EPHA6: variants seen among roughly 807,000 people sequenced by gnomAD.
The protein encoded by EPHA6 is EPH receptor A6, also known as ephrin type-A receptor 6.
Under a neutral mutation model 112.0 loss-of-function variants are expected in EPHA6, and 50 were observed. The ratio of observed to expected loss-of-function variants is 0.45; its 90% confidence interval spans 0.36 to 0.56. The LOEUF is 0.56. EPHA6 is among the 20% of genes least tolerant of loss of function. The pLI, the probability that EPHA6 is intolerant of heterozygous loss-of-function variation, is 0.00. For missense variants in EPHA6, 1,280 were observed against 1,417.4 expected (o/e 0.90, Z 1.56); for synonymous variants, 529 against 490.7 (o/e 1.08, Z -1.03).
intron 3 of EPHA6, among the ~76,000 whole-genome samples, chr3:97,034,217 GT>G (rs2044994218): frequency 6.6e-6 from 1 of 151,860 alleles, no homozygotes; most frequent in Non-Finnish European, 1.5e-5. Flanking sequence ...TGAAAATATA[GT>G]AATTTTTGGA....
At chr3:97,691,798 G>A (rs1013555270) in intron 14 of EPHA6, among the ~76,000 whole-genome samples, 1 of 152,200 alleles carries the variant, frequency 6.6e-6, no homozygotes, top group Non-Finnish European at 1.5e-5. Flanking sequence ...GTTTGGAAGA[G>A]CATAAACCAC....
chr3:97,310,390 A>G (rs2108750506), intron 5 of EPHA6, among the ~76,000 whole-genome samples: 1 of 151,542 alleles, frequency 6.6e-6, no homozygotes, highest in African/African-American at 2.4e-5. Flanking sequence ...TGGGAAAGAG[A>G]CTGAGATGAA....
chr3:97,147,758 G>A (rs1350960693), intron 3 of EPHA6, among the ~76,000 whole-genome samples: 1 of 152,062 alleles, frequency 6.6e-6, no homozygotes, highest in Non-Finnish European at 1.5e-5. Context: ...CCCTAAGACT[G>A]TCAAGGTCAT....
rs111388181 is a variant in EPHA6 at position 97,677,854 on chromosome 3, G to A, written c.2784+39772G>A. Among the ~76,000 whole-genome samples, 590 of 151,948 alleles carry A rather than the reference G, an allele frequency of 3.9e-3. 3 individuals carry two copies. The highest frequency in any genetic ancestry group is 0.013 in the African/African-American group (551 of 41,430). ...CCATGGAAGTGAATGACTAATATAAGGCAGAAAAGAAGAGGAGTTAAAAGA... is the reference window on the plus strand; with the variant it reads ...CCATGGAAGTGAATGACTAATATAAAGCAGAAAAGAAGAGGAGTTAAAAGA... On this transcript the variant is annotated intron_variant, in intron 14 of 17. Coordinates refer to ENST00000389672, the MANE Select transcript of EPHA6 (RefSeq NM_001080448.3).
intron 11 of EPHA6, among the ~76,000 whole-genome samples, chr3:97,547,381 A>C (rs994944254): frequency 1.3e-5 from 2 of 152,148 alleles, no homozygotes; most frequent in African/African-American, 4.8e-5. Flanking sequence ...CGAACAGCAG[A>C]TGTGGGTGAA....
At chr3:97,679,729 A>G (rs2031705090) in intron 14 of EPHA6, among the ~76,000 whole-genome samples, 1 of 152,144 alleles carries the variant, frequency 6.6e-6, no homozygotes, top group African/African-American at 2.4e-5. Context: ...ACTTCAATAT[A>G]CCAAAATACA....
chr3:97,497,811 G>GA (rs796241151), intron 10 of EPHA6, among the ~76,000 whole-genome samples: 2,109 of 146,238 alleles, frequency 0.014, 44 homozygotes, highest in African/African-American at 0.049. Flanking sequence ...CAGACTCTCA[G>GA]AAAAAAAAAA....
At chr3:96,866,966 T>A (rs1427868921) in intron 2 of EPHA6, 77 bp downstream of exon 2, 1 of 787,852 alleles carries the variant, frequency 1.3e-6, no homozygotes, top group African/African-American at 1.8e-5. Context: ...AACAGTGAAT[T>A]TTGGGCCCTA....
intron 1 of EPHA6, among the ~76,000 whole-genome samples, chr3:96,815,962 C>T (rs898010804): frequency 2.0e-5 from 3 of 152,090 alleles, no homozygotes; most frequent in Non-Finnish European, 2.9e-5. Context: ...ACCGATATGT[C>T]CCTTCAAATA....
rs1233866049 is a variant in EPHA6 at position 97,226,313 on chromosome 3, T to C, written c.1164T>C (p.Ser388=). 1.2e-6 allele frequency: 2 copies of C among 1,613,310 alleles called. No individual in the cohort carries two copies. Among genetic ancestry groups the C allele is most frequent in the African/African-American group, 2.7e-5 (2 of 74,934 alleles). The change falls in exon 4 of 18, where the codon TCT becomes TCC. Residue 388 remains serine (S), a synonymous_variant. Transcript: ENST00000389672. ...CTTTTGCTGGGAACACAAAATGTTCTAAATGTCCTCCACACAGTTTAACAT... is the reference window on the plus strand; with the variant it reads ...CTTTTGCTGGGAACACAAAATGTTCCAAATGTCCTCCACACAGTTTAACAT... ...YKAFAGNTKC[S]KCPPHSLTYM...
intron 1 of EPHA6, among the ~76,000 whole-genome samples, chr3:96,819,912 T>C (rs1401753934): frequency 1.3e-5 from 2 of 152,094 alleles, no homozygotes; most frequent in Non-Finnish European, 2.9e-5. Context: ...AAATTATATA[T>C]GGATGAAGCA....
intron 3 of EPHA6, among the ~76,000 whole-genome samples, chr3:97,184,752 G>A (rs1483761462): frequency 6.6e-6 from 1 of 152,094 alleles, no homozygotes; most frequent in Non-Finnish European, 1.5e-5. Flanking sequence ...AGTCCACATT[G>A]CCAAGTCAAT....
chr3:97,660,069 T>A (rs943529655), intron 14 of EPHA6, among the ~76,000 whole-genome samples: 1 of 152,150 alleles, frequency 6.6e-6, no homozygotes, highest in African/African-American at 2.4e-5. Flanking sequence ...ATCGTTTAAA[T>A]TCTGTTTCTG....
At chr3:97,273,219 C>T (rs942116417) in intron 5 of EPHA6, among the ~76,000 whole-genome samples, 7 of 152,192 alleles carry the variant, frequency 4.6e-5, no homozygotes, top group Non-Finnish European at 1.0e-4. Context: ...TTAGAGAGTG[C>T]CTAAGGAGAT....
chr3:97,161,928 G>A (rs2076425407), intron 3 of EPHA6, among the ~76,000 whole-genome samples: 1 of 152,156 alleles, frequency 6.6e-6, no homozygotes, highest in African/African-American at 2.4e-5. Context: ...TCTGCAGTAG[G>A]ACAGTGAAGG....
At chr3:97,468,367 G>C (rs1163724625) in intron 7 of EPHA6, among the ~76,000 whole-genome samples, 1 of 151,350 alleles carries the variant, frequency 6.6e-6, no homozygotes, top group Non-Finnish European at 1.5e-5. Context: ...ATAATACTAT[G>C]TTGACTATAT....
chr3:97,372,892 G>T (rs1050250135), intron 5 of EPHA6, among the ~76,000 whole-genome samples: 1 of 152,058 alleles, frequency 6.6e-6, no homozygotes, highest in African/African-American at 2.4e-5. Context: ...TGATCAAGGA[G>T]GTTACAAAAG....
At chr3:97,745,351 T>C (rs962105945) in intron 16 of EPHA6, 24 of 452,956 alleles carry the variant, frequency 5.3e-5, no homozygotes, top group Admixed American at 4.8e-4. Context: ...GACTGATCTT[T>C]GTTTTAGGTC....
At chr3:97,712,140 A>C (rs2033999049) in intron 14 of EPHA6, among the ~76,000 whole-genome samples, 1 of 152,216 alleles carries the variant, frequency 6.6e-6, no homozygotes, top group African/African-American at 2.4e-5. Flanking sequence ...TATGTTGTAC[A>C]TTTTTTAAAA....
Sources: gnomAD v4.1 joint callset for allele counts (sites outside exome capture counted in the v4.1 genomes callset) on GRCh38, gnomAD v4.1.1 for gene constraint, MANE v1.5 for transcripts, NCBI Gene and HGNC (gene_info 2026-07-23, HGNC 2026-07-21) for gene names.